Variants in FNDC3B observed in about 807,000 individuals in gnomAD.
FNDC3B encodes the protein fibronectin type III domain containing 3B, also known as fibronectin type III domain-containing protein 3B.
Under a neutral mutation model 151.5 loss-of-function variants are expected in FNDC3B, and 12 were observed. The observed-to-expected ratio is 0.08, with a 90% CI of 0.05 to 0.13. The LOEUF (loss-of-function observed/expected upper bound fraction) is 0.13, where lower values mean the gene tolerates loss of function less well. FNDC3B is among the 10% of genes least tolerant of loss of function. FNDC3B has a pLI of 1.00. For synonymous variants in FNDC3B, 528 were observed against 549.0 expected (o/e 0.96, Z 0.54); for missense variants, 1,214 against 1,505.3 (o/e 0.81, Z 3.20).
chr3:172,276,439 A>G (rs1001804007), intron 6 of FNDC3B, among the ~76,000 whole-genome samples: 1 of 152,222 alleles, frequency 6.6e-6, no homozygotes. Flanking sequence ...GGTTCAAGAT[A>G]CTTTGAAAAG....
chr3:172,097,697 A>C (rs1719158723), intron 1 of FNDC3B, among the ~76,000 whole-genome samples: 1 of 152,254 alleles, frequency 6.6e-6, no homozygotes, highest in South Asian at 2.1e-4. Context: ...ATACATATAT[A>C]ATCTGACTGT....
At chr3:172,387,970 A>T (rs1735805987) in intron 25 of FNDC3B, among the ~76,000 whole-genome samples, 1 of 152,172 alleles carries the variant, frequency 6.6e-6, no homozygotes, top group African/African-American at 2.4e-5. Context: ...ATAGCAGGGG[A>T]GACACGGCGA....
chr3:172,071,414 T>C (rs1388552840), intron 1 of FNDC3B, among the ~76,000 whole-genome samples: 2 of 152,148 alleles, frequency 1.3e-5, no homozygotes, highest in Non-Finnish European at 2.9e-5. Context: ...AGTAAATGGT[T>C]TTATGGGCTC....
At chr3:172,287,162 T>C (rs1240170845) in intron 7 of FNDC3B, among the ~76,000 whole-genome samples, 1 of 152,212 alleles carries the variant, frequency 6.6e-6, no homozygotes, top group East Asian at 1.9e-4. Context: ...AGCTTTGCTG[T>C]GCCCTTCATG....
chr3:172,166,294 T>C (rs1417242245), intron 3 of FNDC3B, among the ~76,000 whole-genome samples: 3 of 152,214 alleles, frequency 2.0e-5, no homozygotes, highest in African/African-American at 7.2e-5. Context: ...TCAATCAGTA[T>C]CTGCCACAGA....
chr3:172,359,969 G>A (rs971376056), intron 22 of FNDC3B, among the ~76,000 whole-genome samples: 1 of 152,174 alleles, frequency 6.6e-6, no homozygotes, highest in Non-Finnish European at 1.5e-5. Context: ...ACATTTGTGT[G>A]CAGGTTTTTG....
At chr3:172,394,766 G>A (rs1252619540) in intron 25 of FNDC3B, among the ~76,000 whole-genome samples, 1 of 152,058 alleles carries the variant, frequency 6.6e-6, no homozygotes, top group Non-Finnish European at 1.5e-5. Flanking sequence ...TCAAAGGCAG[G>A]CAAGGCCATT....
rs1312767216 is a variant in FNDC3B at position 172,352,113 on chromosome 3, C to T, written c.2515-690C>T. On this transcript the variant is annotated intron_variant, in intron 21 of 25. Coordinates refer to ENST00000415807, the MANE Select transcript of FNDC3B (RefSeq NM_022763.4). This position sits in a 1 kb window ranked among gnomAD's most constrained non-coding sequence, Gnocchi z 4.2. ...CTGATACTCACCAGCGTTAAGAGTTCAGGGGATGGTGGCAACCAGGAAAGG... is the reference window on the plus strand; with the variant it reads ...CTGATACTCACCAGCGTTAAGAGTTTAGGGGATGGTGGCAACCAGGAAAGG... Among the ~76,000 whole-genome samples, 1 of 152,074 alleles carries T rather than the reference C, an allele frequency of 6.6e-6. No individual in the cohort carries two copies. Among genetic ancestry groups the T allele is most frequent in the Non-Finnish European group, 1.5e-5 (1 of 68,032 alleles).
At position 172,061,286 on chromosome 3, in the gene FNDC3B, G is replaced by A. The variant is rs564873488; in HGVS notation, c.-29+21515G>A. Among the ~76,000 whole-genome samples the A allele has an allele frequency of 2.0e-3, 297 of 149,090 alleles. 1 individual carries two copies. Among genetic ancestry groups the A allele is most frequent in the African/African-American group, 7.1e-3 (285 of 40,332 alleles). ...CTCGCTCTGTCACCCAGGCTAGAGTGCAGTGGCGTGATCTCGGTTCACTGC... is the reference window on the plus strand; with the variant it reads ...CTCGCTCTGTCACCCAGGCTAGAGTACAGTGGCGTGATCTCGGTTCACTGC... On this transcript the variant is annotated intron_variant, in intron 1 of 25. Coordinates refer to ENST00000415807, the MANE Select transcript of FNDC3B (RefSeq NM_022763.4).
chr3:172,287,476 G>T (rs570829035), intron 7 of FNDC3B, among the ~76,000 whole-genome samples: 2 of 152,202 alleles, frequency 1.3e-5, no homozygotes, highest in Non-Finnish European at 2.9e-5. Context: ...GCAGACGGGG[G>T]TGCAGTATAA....
chr3:172,089,702 C>A (rs1251947719), intron 1 of FNDC3B, among the ~76,000 whole-genome samples: 1 of 152,110 alleles, frequency 6.6e-6, no homozygotes, highest in Non-Finnish European at 1.5e-5. Flanking sequence ...ATAAGGCTGT[C>A]TTGTGAAGAT....
intron 25 of FNDC3B, among the ~76,000 whole-genome samples, chr3:172,388,861 CAATAT>C (rs1735863703): frequency 6.6e-6 from 1 of 152,120 alleles, no homozygotes; most frequent in African/African-American, 2.4e-5. Flanking sequence ...AGTCAAGTAG[CAATAT>C]AATATATCAT....
At chr3:172,360,076 T>C (rs2108338208) in intron 22 of FNDC3B, among the ~76,000 whole-genome samples, 1 of 152,316 alleles carries the variant, frequency 6.6e-6, no homozygotes, top group South Asian at 2.1e-4. Flanking sequence ...GCAACTGTTT[T>C]CCTATGTGGT....
At position 172,239,856 on chromosome 3, in the gene FNDC3B, C is replaced by CTTTTTTTTTTTTTTTTT. The variant is rs71179981; in HGVS notation, c.265-7663_265-7647dup. On this transcript the variant is annotated intron_variant, in intron 4 of 25. Coordinates refer to ENST00000415807, the MANE Select transcript of FNDC3B (RefSeq NM_022763.4). ...TGTTTTTAGGAGATCCATTTTAGTT[C>CTTTTTTTTTTTTTTTTT]TTTTTTTTTTTTTTTTTTTTTTTTT... is the stretch of plus-strand genomic sequence containing the variant. Among the ~76,000 whole-genome samples, 22 of 49,926 alleles carry CTTTTTTTTTTTTTTTTT rather than the reference C, an allele frequency of 4.4e-4. 2 individuals are homozygous for CTTTTTTTTTTTTTTTTT. The highest frequency in any genetic ancestry group is 1.2e-3 in the African/African-American group (16 of 13,324). The allele number at this position is 49,926 out of a possible 152,430, so 32.8% of individuals were successfully genotyped here.
chr3:172,371,493 C>T (rs1211255804), intron 23 of FNDC3B, among the ~76,000 whole-genome samples: 2 of 152,146 alleles, frequency 1.3e-5, no homozygotes, highest in African/African-American at 4.8e-5. Flanking sequence ...TGTCTTGTTT[C>T]AAGAAGATAT....
chr3:172,355,268 C>T (rs1358743883), intron 22 of FNDC3B, among the ~76,000 whole-genome samples: 1 of 152,176 alleles, frequency 6.6e-6, no homozygotes, highest in Admixed American at 6.5e-5. Flanking sequence ...GGTATCACCC[C>T]TTCCCAGTCC....
chr3:172,168,588 A>G lies in FNDC3B; in HGVS notation c.187+35042A>G, dbSNP rs79511539. Among the ~76,000 whole-genome samples the G allele has an allele frequency of 4.1e-3, 618 of 152,282 alleles. 4 individuals are homozygous for G. Among genetic ancestry groups the G allele is most frequent in the African/African-American group, 0.014 (586 of 41,554 alleles). On this transcript the variant is annotated intron_variant, in intron 3 of 25. Transcript: ENST00000415807. ...AATATACAAGCTTACAAGTTAAATT[A>G]TATTTAATAACTGATAATATATACT... is the stretch of plus-strand genomic sequence containing the variant.
intron 3 of FNDC3B, among the ~76,000 whole-genome samples, chr3:172,174,930 G>GCCC (rs1163688070): frequency 1.0e-3 from 15 of 14,690 alleles, no homozygotes; most frequent in African/African-American, 2.6e-3. Context: ...CCTTCCCCCC[G>GCCC]CCACCCCCCC....
intron 1 of FNDC3B, among the ~76,000 whole-genome samples, chr3:172,091,704 G>A (rs893513333): frequency 2.0e-4 from 30 of 152,126 alleles, no homozygotes; most frequent in African/African-American, 6.5e-4. Flanking sequence ...TAAATATGGT[G>A]CAAAAATTAT....
Sources: allele counts gnomAD v4.1 joint callset (sites outside exome capture counted in the v4.1 genomes callset), GRCh38; gene constraint gnomAD v4.1.1; non-coding constraint Gnocchi (gnomAD v3.1); transcripts MANE v1.5; gene names NCBI Gene and HGNC (gene_info 2026-07-23, HGNC 2026-07-21).